PSD3: variants seen among roughly 807,000 people sequenced by gnomAD.
PSD3 encodes pleckstrin and Sec7 domain containing 3.
Under a neutral mutation model 105.5 loss-of-function variants are expected in PSD3, and 49 were observed. The ratio of observed to expected loss-of-function variants is 0.46; its 90% confidence interval spans 0.37 to 0.59. PSD3 has a LOEUF of 0.59. Among genes scored for constraint, PSD3 ranks in the 20% least tolerant of loss-of-function variants. PSD3 has a pLI of 0.00. For synonymous variants in PSD3, 557 were observed against 457.8 expected, an observed-to-expected ratio of 1.22 and a Z score of -2.77; for missense variants, 1,561 against 1,263.8, an observed-to-expected ratio of 1.24 and a Z score of -3.57.
chr8:18,697,096 G>T (rs1231757046), intron 9 of PSD3, among the ~76,000 whole-genome samples: 1 of 152,044 alleles, frequency 6.6e-6, no homozygotes, highest in African/African-American at 2.4e-5. Flanking sequence ...AAATTTAAAA[G>T]AAGTTATTTC....
At chr8:18,913,294 G>A (rs1027932235) in intron 2 of PSD3, among the ~76,000 whole-genome samples, 4 of 151,624 alleles carry the variant, frequency 2.6e-5, no homozygotes, top group African/African-American at 9.7e-5. Flanking sequence ...TCTCTATCTC[G>A]GGTTGATTCT....
intron 12 of PSD3, among the ~76,000 whole-genome samples, chr8:18,591,587 G>A (rs935201786): frequency 6.6e-6 from 1 of 152,186 alleles, no homozygotes; most frequent in African/African-American, 2.4e-5. Context: ...GCATAGCTTG[G>A]AAGCCTGAAG....
At chr8:18,705,901 A>G (rs937818595) in intron 9 of PSD3, among the ~76,000 whole-genome samples, 1 of 152,208 alleles carries the variant, frequency 6.6e-6, no homozygotes, top group Non-Finnish European at 1.5e-5. Flanking sequence ...AGTATCAAAA[A>G]TACTACTTTT....
intron 9 of PSD3, among the ~76,000 whole-genome samples, chr8:18,735,184 G>A (rs71510620): frequency 1.3e-5 from 2 of 152,136 alleles, no homozygotes; most frequent in African/African-American, 2.4e-5. Context: ...CAGTGGGGCT[G>A]TAGTTCAACT....
At chr8:18,708,642 CT>C (rs760211374) in intron 9 of PSD3, among the ~76,000 whole-genome samples, 6 of 152,096 alleles carry the variant, frequency 3.9e-5, no homozygotes, top group East Asian at 3.9e-4. Flanking sequence ...ATAATACCCT[CT>C]ATTTTCTACT....
intron 14 of PSD3, 119 bp downstream of exon 14, chr8:18,572,409 C>T (rs1802199775): frequency 8.0e-7 from 1 of 1,250,412 alleles, no homozygotes; most frequent in Non-Finnish European, 1.1e-6. Context: ...GATACGCTCT[C>T]ACAGGGCAAG....
chr8:18,911,743 C>T (rs1820235740), intron 2 of PSD3, among the ~76,000 whole-genome samples: 3 of 151,974 alleles, frequency 2.0e-5, no homozygotes, highest in African/African-American at 7.2e-5. Context: ...TATATATAGA[C>T]ATAGATATAT....
Position 18,859,413 on chromosome 8 carries a change from C to T in PSD3, c.1634+8261G>A, listed in dbSNP as rs145612538. 3.8e-4 allele frequency among the ~76,000 whole-genome samples: 58 copies of T among 152,260 alleles called. 1 individual carries two copies. The highest frequency in any genetic ancestry group is 1.4e-3 in the African/African-American group (57 of 41,556). ...TTTGAGAAGGGAAAATGAGCACTAA[C>T]TTCAATTTAGTGTCACTAGCTGCAT... On this transcript the variant is annotated intron_variant, in intron 4 of 15. Transcript: ENST00000327040.
chr8:19,011,705 A>G (rs1417267970), intron 1 of PSD3, among the ~76,000 whole-genome samples: 3 of 152,210 alleles, frequency 2.0e-5, no homozygotes, highest in Non-Finnish European at 2.9e-5. Flanking sequence ...AACAGTGTCA[A>G]CAAAACTTTC....
At chr8:18,838,336 G>C (rs1344152666) in intron 4 of PSD3, among the ~76,000 whole-genome samples, 1 of 152,082 alleles carries the variant, frequency 6.6e-6, no homozygotes. Context: ...GAACAAAACG[G>C]GTTTCCATGA....
chr8:19,052,667 TG>T (rs1222869201), intron 1 of PSD3, among the ~76,000 whole-genome samples: 1 of 152,000 alleles, frequency 6.6e-6, no homozygotes, highest in Non-Finnish European at 1.5e-5. Flanking sequence ...AAGTCCAAGT[TG>T]GGAAAGGAGT....
At chr8:18,795,109 C>T (rs1218644017) in intron 8 of PSD3, among the ~76,000 whole-genome samples, 1 of 152,148 alleles carries the variant, frequency 6.6e-6, no homozygotes, top group Non-Finnish European at 1.5e-5. Flanking sequence ...TAACACTGTT[C>T]TGTGACAAAA....
In PSD3 at chr8:18,799,134, A is replaced by T. The variant is rs60806935; in HGVS notation, c.2082+161T>A. 4,906 of 656,874 alleles carry T rather than the reference A, an allele frequency of 7.5e-3. 184 individuals are homozygous for T. In the African/African-American group the frequency reaches 0.079, roughly 11 times the overall value. 40.7% of individuals were successfully genotyped at this position (656,874 alleles called of 1,614,324 possible). A position where few individuals can be genotyped will look rare whatever the true frequency, so the allele number is the denominator to read the frequency against. ...CATACTCTGTGCTAGCATGTGAAAT[A>T]AAAAAATTATTTCTTTTTTCAAAGA... On this transcript the variant is annotated intron_variant, in intron 8 of 15. Coordinates refer to ENST00000327040, the MANE Select transcript of PSD3 (RefSeq NM_015310.4).
chr8:18,695,705 C>G (rs1717888725), intron 9 of PSD3, among the ~76,000 whole-genome samples: 1 of 152,136 alleles, frequency 6.6e-6, no homozygotes. Context: ...ATACACATAC[C>G]AGAAAATAAT....
At chr8:19,004,822 G>A (rs776552090) in intron 1 of PSD3, among the ~76,000 whole-genome samples, 1 of 151,952 alleles carries the variant, frequency 6.6e-6, no homozygotes, top group Non-Finnish European at 1.5e-5. Flanking sequence ...AGTCTCAAGA[G>A]ATCTGATGGC....
chr8:18,731,233 G>T (rs1183287954), intron 9 of PSD3, among the ~76,000 whole-genome samples: 12 of 152,178 alleles, frequency 7.9e-5, no homozygotes, highest in Non-Finnish European at 1.5e-5. Flanking sequence ...TCTTGCCTGG[G>T]TGACAAGAGT....
At chr8:18,836,781 G>A (rs918453931) in intron 4 of PSD3, among the ~76,000 whole-genome samples, 1 of 152,000 alleles carries the variant, frequency 6.6e-6, no homozygotes, top group African/African-American at 2.4e-5. Flanking sequence ...GCCTTGTTTA[G>A]GAAATAATGA....
At chr8:18,927,755 G>A (rs1821466291) in intron 2 of PSD3, among the ~76,000 whole-genome samples, 1 of 152,134 alleles carries the variant, frequency 6.6e-6, no homozygotes, top group Non-Finnish European at 1.5e-5. Flanking sequence ...CTACCTAGGG[G>A]CTGACAGCCA....
At chr8:18,610,821 C>T (rs1805208986) in intron 11 of PSD3, among the ~76,000 whole-genome samples, 1 of 138,504 alleles carries the variant, frequency 7.2e-6, no homozygotes, top group Admixed American at 7.1e-5. Context: ...CTAAAATGTT[C>T]TGAAATGCCA....
Sources: allele counts gnomAD v4.1 joint callset (sites outside exome capture counted in the v4.1 genomes callset), GRCh38; gene constraint gnomAD v4.1.1; transcripts MANE v1.5; gene names NCBI Gene and HGNC (gene_info 2026-07-23, HGNC 2026-07-21).